The following CHIC2 variants were observed in gnomAD, a reference collection of about 807,000 sequenced individuals.
CHIC2 encodes the protein cysteine rich hydrophobic domain 2, also known as cysteine-rich hydrophobic domain-containing protein 2.
A neutral mutation model predicts 25.9 loss-of-function variants in CHIC2; 14 were observed. That is an observed-to-expected ratio of 0.54 (90% CI 0.36 to 0.85). CHIC2 has a LOEUF of 0.85. CHIC2 is among the 40% of genes least tolerant of loss of function. The pLI is 0.01. For synonymous variants in CHIC2, 70 were observed against 72.0 expected (o/e 0.97, Z 0.14); for missense variants, 146 against 202.0 (o/e 0.72, Z 1.68).
chr4:54,074,918 G>T, the CHIC2 span, among the ~76,000 whole-genome samples: 1 of 152,020 alleles, frequency 6.6e-6, no homozygotes, highest in Non-Finnish European at 1.5e-5. Flanking sequence ...GACCAGCCTG[G>T]GCAACATGGT....
intron 3 of CHIC2, among the ~76,000 whole-genome samples, chr4:54,047,536 A>C (rs1351624740): frequency 6.6e-6 from 1 of 151,900 alleles, no homozygotes; most frequent in Non-Finnish European, 1.5e-5. Context: ...ATTCTCAGCA[A>C]ACTATCGCAA....
Position 54,064,369 on chromosome 4 carries a change from G to A in CHIC2, c.-69C>T, listed in dbSNP as rs2110097565. 3.8e-6 allele frequency: 6 copies of A among 1,585,194 alleles called. No homozygotes were observed. Among genetic ancestry groups the A allele is most frequent in the Non-Finnish European group, 5.1e-6 (6 of 1,166,664 alleles). On this transcript the variant is annotated 5_prime_UTR_variant, in exon 1 of 6. Coordinates refer to ENST00000263921, the MANE Select transcript of CHIC2 (RefSeq NM_012110.4). The surrounding 1 kb of genome is among the most constrained non-coding windows in gnomAD (Gnocchi z 4.2). ...GGTTGGCGCCGGGGTACCGGCGGGC[G>A]AGGCGGCGGAGGCTGAGGGGAGTCG... is the stretch of plus-strand genomic sequence containing the variant.
In CHIC2 at chr4:54,009,869, G is replaced by A; in HGVS notation, c.*226C>T. 2.7e-6 allele frequency: 1 copy of A among 375,558 alleles called. No homozygotes were observed. The allele number at this position is 375,558 out of a possible 1,614,324, so 23.3% of individuals were successfully genotyped here. On this transcript the variant is annotated 3_prime_UTR_variant, in exon 6 of 6. Coordinates refer to ENST00000263921, the MANE Select transcript of CHIC2 (RefSeq NM_012110.4). ...AAATCAGAATACATAACAGAAAAGA[G>A]CACAATAACTTAAGTATTAAACATC...
intron 1 of CHIC2, among the ~76,000 whole-genome samples, chr4:54,051,402 C>G (rs1717003231): frequency 6.6e-6 from 1 of 151,968 alleles, no homozygotes. Context: ...ACATACATAT[C>G]TTATTTCTAA....
In CHIC2 at chr4:54,064,588, G is replaced by C. The variant is rs1717455904; in HGVS notation, c.-288C>G. ...AGACGCCGCTGCCGCCGCCGCAGCA[G>C]CAGCAACTCAGGAAACCACAGCAAC... On this transcript the variant is annotated 5_prime_UTR_variant, in exon 1 of 6. Coordinates refer to ENST00000263921, the MANE Select transcript of CHIC2 (RefSeq NM_012110.4). This position sits in a 1 kb window ranked among gnomAD's most constrained non-coding sequence, Gnocchi z 4.2. 1 of 1,245,518 alleles carries C rather than the reference G, an allele frequency of 8.0e-7. No individual in the cohort carries two copies. Among genetic ancestry groups the C allele is most frequent in the African/African-American group, 1.6e-5 (1 of 62,934 alleles). 77.2% of individuals were successfully genotyped at this position (1,245,518 alleles called of 1,614,324 possible). A position where few individuals can be genotyped will look rare whatever the true frequency, so the allele number is the denominator to read the frequency against.
At chr4:54,028,620 T>G (rs985717494) in intron 3 of CHIC2, among the ~76,000 whole-genome samples, 4 of 152,230 alleles carry the variant, frequency 2.6e-5, no homozygotes, top group African/African-American at 9.6e-5. Flanking sequence ...TAAAAGAGAA[T>G]GTATGTAATG....
At chr4:54,036,515 C>G (rs1405135636) in intron 3 of CHIC2, among the ~76,000 whole-genome samples, 17 of 152,098 alleles carry the variant, frequency 1.1e-4, no homozygotes, top group Admixed American at 1.1e-3. Flanking sequence ...AAAACCGGAT[C>G]TTGAGAGAAC....
the CHIC2 span, chr4:54,086,918 A>G: frequency 1.6e-6 from 1 of 635,424 alleles, no homozygotes. Context: ...TGGAATAAAA[A>G]GGGTTGAATG....
chr4:54,034,420 T>C (rs1716322692), intron 3 of CHIC2, among the ~76,000 whole-genome samples: 1 of 151,904 alleles, frequency 6.6e-6, no homozygotes, highest in African/African-American at 2.4e-5. Context: ...AAAAAAAGTA[T>C]TTCCTCTTCT....
intron 3 of CHIC2, among the ~76,000 whole-genome samples, chr4:54,019,358 T>C (rs1318542077): frequency 6.6e-6 from 1 of 152,132 alleles, no homozygotes; most frequent in Non-Finnish European, 1.5e-5. Context: ...ATAATCTAGA[T>C]ATATTAAAAC....
intron 3 of CHIC2, among the ~76,000 whole-genome samples, chr4:54,031,902 G>A (rs138337197): frequency 0.01 from 1,563 of 152,094 alleles, 23 homozygotes; most frequent in African/African-American, 0.035. Flanking sequence ...TTACAGGAGT[G>A]AGCCACAGTG....
At chr4:54,048,245 C>A (rs1159007213) in intron 3 of CHIC2, among the ~76,000 whole-genome samples, 3 of 152,282 alleles carry the variant, frequency 2.0e-5, no homozygotes, top group African/African-American at 7.2e-5. Context: ...CCGCCTTGGC[C>A]TCCCAAAGTG....
intron 1 of CHIC2, among the ~76,000 whole-genome samples, 190 bp downstream of exon 1, chr4:54,063,992 G>A (rs919085240): frequency 1.3e-5 from 2 of 152,246 alleles, no homozygotes; most frequent in Non-Finnish European, 2.9e-5. Flanking sequence ...GTGTGGAGGA[G>A]GAAGGACAGC....
chr4:54,035,699 A>G (rs1252688327), intron 3 of CHIC2, among the ~76,000 whole-genome samples: 1 of 152,002 alleles, frequency 6.6e-6, no homozygotes, highest in African/African-American at 2.4e-5. Context: ...TTTATGCTTT[A>G]TATTTCATAG....
At chr4:54,061,449 C>A (rs1054021237) in intron 1 of CHIC2, among the ~76,000 whole-genome samples, 45 of 152,046 alleles carry the variant, frequency 3.0e-4, no homozygotes, top group African/African-American at 9.9e-4. Flanking sequence ...ATCTAGACTA[C>A]AGATGATTCA....
At chr4:54,032,499 C>G (rs959299120) in intron 3 of CHIC2, among the ~76,000 whole-genome samples, 2 of 152,142 alleles carry the variant, frequency 1.3e-5, no homozygotes, top group South Asian at 2.1e-4. Flanking sequence ...AGCTCCTAAC[C>G]GCGAGTGATC....
At chr4:54,041,137 A>G (rs1716564586) in intron 3 of CHIC2, among the ~76,000 whole-genome samples, 1 of 151,694 alleles carries the variant, frequency 6.6e-6, no homozygotes, top group Admixed American at 6.6e-5. Flanking sequence ...GATGGTCTCG[A>G]TCTCCTGACC....
chr4:54,087,634 T>C, the CHIC2 span: 12 of 588,300 alleles, frequency 2.0e-5, no homozygotes, highest in Admixed American at 3.1e-5. Context: ...AGGAGAAATG[T>C]TGGCCTATAT....
chr4:54,064,133 G>T lies in CHIC2; in HGVS notation c.119+49C>A. ...AAACGGGGCTCCCGTGGAGTAACGG[G>T]GCCCACCCCAGCCCGCACCTCCCGC... is the stretch of plus-strand genomic sequence containing the variant. On this transcript the variant is annotated intron_variant, in intron 1 of 5. Transcript: ENST00000263921. This position sits in a 1 kb window ranked among gnomAD's most constrained non-coding sequence, Gnocchi z 4.2. The T allele has an allele frequency of 6.6e-7, 1 of 1,516,756 alleles. No homozygotes were observed. The highest frequency in any genetic ancestry group is 9.0e-7 in the Non-Finnish European group (1 of 1,109,596). 94.0% of individuals were successfully genotyped at this position (1,516,756 alleles called of 1,614,324 possible).
Sources: allele counts gnomAD v4.1 joint callset (sites outside exome capture counted in the v4.1 genomes callset), GRCh38; gene constraint gnomAD v4.1.1; non-coding constraint Gnocchi (gnomAD v3.1); transcripts MANE v1.5; gene names NCBI Gene and HGNC (gene_info 2026-07-23, HGNC 2026-07-21).